Variants in SUGP2 observed in about 807,000 individuals in gnomAD.
The protein encoded by SUGP2 is SURP and G-patch domain containing 2.
SUGP2 carries 24 observed loss-of-function variants against 90.5 expected under a neutral mutation model. That is an observed-to-expected ratio of 0.27 (90% confidence interval 0.19 to 0.37). The LOEUF is 0.37. Among genes scored for constraint, SUGP2 ranks in the 10% least tolerant of loss-of-function variants. The pLI, the probability that SUGP2 is intolerant of heterozygous loss-of-function variation, is 1.00. For synonymous variants in SUGP2, 473 were observed against 513.4 expected (o/e 0.92, Z 1.06); for missense variants, 1,233 against 1,363.3 (o/e 0.90, Z 1.51).
intron 4 of SUGP2, among the ~76,000 whole-genome samples, chr19:19,013,478 C>G (rs1445243993): frequency 6.6e-6 from 1 of 152,110 alleles, no homozygotes; most frequent in Non-Finnish European, 1.5e-5. Flanking sequence ...AATGGCTAAT[C>G]GACACACATA....
chr19:18,998,560 G>C (rs997031364), intron 8 of SUGP2, among the ~76,000 whole-genome samples: 2 of 152,120 alleles, frequency 1.3e-5, no homozygotes, highest in Non-Finnish European at 2.9e-5. Context: ...ATCTCCGAGG[G>C]TATTATATAA....
At chr19:19,033,537 C>A, upstream of SUGP2, 9 of 1,332,696 alleles carry the variant, frequency 6.8e-6, no homozygotes, top group Non-Finnish European at 8.7e-6. Context: ...AACCAACGGT[C>A]TCCGCAGCGC....
At chr19:18,995,301 A>G (rs775498768) in intron 8 of SUGP2, 21 bp from the exon 9 acceptor site, 1 of 1,581,566 alleles carries the variant, frequency 6.3e-7, no homozygotes, top group Non-Finnish European at 8.6e-7. Context: ...AGGAGAGTCC[A>G]GGCATGTGGG....
intron 8 of SUGP2, among the ~76,000 whole-genome samples, chr19:18,999,543 C>T (rs2057748765): frequency 6.6e-6 from 1 of 152,182 alleles, no homozygotes; most frequent in Non-Finnish European, 1.5e-5. Context: ...ATCCAGGCCA[C>T]ACCAAGGGGC....
intron 2 of SUGP2, among the ~76,000 whole-genome samples, chr19:19,030,363 G>A (rs1438951402): frequency 1.3e-5 from 2 of 151,526 alleles, no homozygotes. Flanking sequence ...GGTGGTGCAT[G>A]CCCGTAATCC....
In SUGP2 at chr19:19,010,338, A is replaced by C; in HGVS notation, c.1855T>G (p.Leu619Val). The change falls in exon 5 of 11, where the codon TTG (leucine) becomes GTG (valine). Residue 619 changes from leucine (L) to valine (V), a missense_variant. Physicochemically the swap from Leu to Val is conservative, Grantham distance 32 (BLOSUM62 1). Coordinates refer to ENST00000452918, the MANE Select transcript of SUGP2 (RefSeq NM_001017392.5). Reference sequence around the variant, plus strand: ...TACTCCAGACTATTTTCATCAGACAAAAACCTAGATAACAAAACAAGCATA... The same window carrying C: ...TACTCCAGACTATTTTCATCAGACACAAACCTAGATAACAAAACAAGCATA... ...LLKEDPAYWFLSDENSLEYKY... is the reference protein window; with the variant it reads ...LLKEDPAYWFVSDENSLEYKY... The C allele has an allele frequency of 6.2e-7, 1 of 1,608,294 alleles. No individual in the cohort carries two copies. The highest frequency in any genetic ancestry group is 1.3e-5 in the African/African-American group (1 of 74,962).
At chr19:19,013,419 T>C (rs1302339554) in intron 4 of SUGP2, among the ~76,000 whole-genome samples, 1 of 152,210 alleles carries the variant, frequency 6.6e-6, no homozygotes, top group African/African-American at 2.4e-5. Flanking sequence ...TTTTTGCTTC[T>C]TTCTCTCTAT....
At chr19:19,033,553 C>T, upstream of SUGP2, 3 of 1,273,602 alleles carry the variant, frequency 2.4e-6, no homozygotes, top group Non-Finnish European at 2.0e-6. Context: ...AGCGCCGCGC[C>T]GCGCAGGCGC....
At chr19:19,013,071 T>C (rs2058364783) in intron 4 of SUGP2, among the ~76,000 whole-genome samples, 1 of 152,160 alleles carries the variant, frequency 6.6e-6, no homozygotes, top group South Asian at 2.1e-4. Flanking sequence ...TTCACCATGT[T>C]GGCCAGGCTG....
In SUGP2 at chr19:19,025,017, A is replaced by G; in HGVS notation, c.1331T>C (p.Leu444Pro). Reference sequence around the variant, plus strand: ...TAGCTCGTAGGCATTGCAGGCCATAAGCAAAGGTGTGACACTCTTCAGAAG... The same window carrying G: ...TAGCTCGTAGGCATTGCAGGCCATAGGCAAAGGTGTGACACTCTTCAGAAG... ...DRLLKSVTPLLMACNAYELSV... is the reference protein window; with the variant it reads ...DRLLKSVTPLPMACNAYELSV... Residue 444 changes from leucine (L) to proline (P), a missense_variant, in exon 3 of 11, where the codon CTT becomes CCT. Leu to Pro is a moderately conservative substitution (Grantham distance 98, BLOSUM62 -3). Transcript: ENST00000452918. The G allele has an allele frequency of 6.2e-7, 1 of 1,614,214 alleles. No homozygotes were observed. Among genetic ancestry groups the G allele is most frequent in the Non-Finnish European group, 8.5e-7 (1 of 1,180,036 alleles).
At chr19:19,026,866 T>C (rs900315202) in intron 2 of SUGP2, among the ~76,000 whole-genome samples, 1 of 152,030 alleles carries the variant, frequency 6.6e-6, no homozygotes, top group Non-Finnish European at 1.5e-5. Flanking sequence ...ACCCTCTCTC[T>C]GGAGCTGAAA....
chr19:19,029,632 A>G (rs2059071434), intron 2 of SUGP2, among the ~76,000 whole-genome samples: 1 of 148,808 alleles, frequency 6.7e-6, no homozygotes, highest in Non-Finnish European at 1.5e-5. Context: ...ATTTTTAGTA[A>G]AGACGGGGTT....
intron 8 of SUGP2, among the ~76,000 whole-genome samples, chr19:18,997,782 C>CAAAAAAAAAAAA (rs35875282): frequency 7.9e-5 from 7 of 88,228 alleles, no homozygotes; most frequent in Admixed American, 1.3e-4. Flanking sequence ...GACTCCGTCT[C>CAAAAAAAAAAAA]AAAAAAAAAA....
chr19:18,994,786 A>G lies in SUGP2; in HGVS notation c.3129-300T>C, dbSNP rs2057506239. On this transcript the variant is annotated intron_variant, in intron 9 of 10. Transcript: ENST00000452918. ...GGAGGTTATGATCGGGGTTTAATAA[A>G]CTTTGGGCCTGTGTTCGGGACCCTG... 3 of 524,806 alleles carry G rather than the reference A, an allele frequency of 5.7e-6. No homozygotes were observed. The Admixed American group carries it at 1.0e-4, about 18-fold the overall frequency. 32.5% of individuals were successfully genotyped at this position (524,806 alleles called of 1,614,324 possible).
intron 1 of SUGP2, among the ~76,000 whole-genome samples, chr19:19,032,667 G>A (rs1454946373): frequency 6.6e-6 from 1 of 152,058 alleles, no homozygotes; most frequent in Non-Finnish European, 1.5e-5. Flanking sequence ...TGACATTAGG[G>A]TGAGGAGGCA....
At chr19:19,001,702 C>A in intron 7 of SUGP2, 28 bp from the exon 8 acceptor site, 1 of 1,610,926 alleles carries the variant, frequency 6.2e-7, no homozygotes, top group Non-Finnish European at 8.5e-7. Flanking sequence ...GAGACACATA[C>A]ACATACATGT....
chr19:19,009,668 C>T (rs965587899), intron 5 of SUGP2, among the ~76,000 whole-genome samples, 187 bp downstream of exon 5: 2 of 152,216 alleles, frequency 1.3e-5, no homozygotes, highest in Non-Finnish European at 2.9e-5. Flanking sequence ...AGCTGCAGGA[C>T]TCGCATGCAG....
At chr19:19,033,645 G>C (rs1403788197), upstream of SUGP2, 1 of 1,024,504 alleles carries the variant, frequency 9.8e-7, no homozygotes, top group Non-Finnish European at 1.2e-6. Flanking sequence ...CGCTTCTTCT[G>C]GGCGGACGCT....
chr19:19,007,056 C>A (rs2058102954), intron 6 of SUGP2, among the ~76,000 whole-genome samples: 1 of 152,224 alleles, frequency 6.6e-6, no homozygotes, highest in African/African-American at 2.4e-5. Flanking sequence ...AGGGTTCTGG[C>A]TCAGTAATGG....
Sources: allele counts gnomAD v4.1 joint callset (sites outside exome capture counted in the v4.1 genomes callset), GRCh38; gene constraint gnomAD v4.1.1; transcripts MANE v1.5; gene names NCBI Gene and HGNC (gene_info 2026-07-23, HGNC 2026-07-21).